LRRC4C: variants seen among roughly 807,000 people sequenced by gnomAD.
The protein encoded by LRRC4C is leucine-rich repeat-containing protein 4C.
LRRC4C carries 5 observed loss-of-function variants against 33.6 expected under a neutral mutation model. The observed-to-expected ratio is 0.15, with a 90% CI of 0.08 to 0.31. The LOEUF (loss-of-function observed/expected upper bound fraction) is 0.31, where lower values mean the gene tolerates loss of function less well. LRRC4C is among the 10% of genes least tolerant of loss of function. The pLI, the probability that LRRC4C is intolerant of heterozygous loss-of-function variation, is 1.00. For missense variants in LRRC4C, 560 were observed against 796.7 expected (o/e 0.70, Z 3.58); for synonymous variants, 329 against 302.0 (o/e 1.09, Z -0.93).
chr11:40,279,777 T>C (rs1943348243), intron 4 of LRRC4C, among the ~76,000 whole-genome samples: 1 of 152,172 alleles, frequency 6.6e-6, no homozygotes, highest in Non-Finnish European at 1.5e-5. Flanking sequence ...ATCAACCTTG[T>C]GGACTCATGG....
intron 1 of LRRC4C, among the ~76,000 whole-genome samples, chr11:41,363,566 G>A (rs1952431622): frequency 1.3e-5 from 2 of 152,106 alleles, no homozygotes; most frequent in Non-Finnish European, 2.9e-5. Flanking sequence ...TCAAGTAGAT[G>A]ATTTACTGTT....
At chr11:41,243,022 A>G (rs957653727) in intron 1 of LRRC4C, among the ~76,000 whole-genome samples, 1 of 152,188 alleles carries the variant, frequency 6.6e-6, no homozygotes, top group South Asian at 2.1e-4. Flanking sequence ...ATAAAAGCAC[A>G]TTCCGTCAAA....
intron 4 of LRRC4C, among the ~76,000 whole-genome samples, chr11:40,271,957 G>A (rs1025195225): frequency 6.6e-6 from 1 of 152,134 alleles, no homozygotes. Flanking sequence ...CTACCATTTG[G>A]TCTATGTTCC....
chr11:41,316,273 AAAAAAAC>A (rs1950790078), intron 1 of LRRC4C, among the ~76,000 whole-genome samples: 3 of 150,114 alleles, frequency 2.0e-5, no homozygotes, highest in African/African-American at 7.3e-5. Flanking sequence ...AAAAAAAAAA[AAAAAAAC>A]AAAAAAAAAC....
intron 2 of LRRC4C, among the ~76,000 whole-genome samples, chr11:40,822,390 T>C (rs754147170): frequency 2.6e-5 from 4 of 151,694 alleles, no homozygotes; most frequent in Non-Finnish European, 4.4e-5. Flanking sequence ...ATAAACAACC[T>C]TTTTTAAAAA....
At chr11:40,792,283 C>A (rs1950657706) in intron 2 of LRRC4C, among the ~76,000 whole-genome samples, 1 of 151,392 alleles carries the variant, frequency 6.6e-6, no homozygotes, top group African/African-American at 2.4e-5. Context: ...TCAATATTTT[C>A]TTTATTATTG....
intron 1 of LRRC4C, among the ~76,000 whole-genome samples, chr11:40,965,652 C>T (rs190432360): frequency 5.3e-5 from 8 of 152,064 alleles, no homozygotes; most frequent in Admixed American, 3.9e-4. Flanking sequence ...TTGTTTTTGT[C>T]AGATTTGTCA....
At chr11:41,111,594 G>A (rs1028664715) in intron 1 of LRRC4C, among the ~76,000 whole-genome samples, 1 of 152,176 alleles carries the variant, frequency 6.6e-6, no homozygotes, top group Non-Finnish European at 1.5e-5. Flanking sequence ...AGTTAAAATG[G>A]AGGCAAAGAC....
chr11:40,572,630 A>C (rs546078642), intron 3 of LRRC4C, among the ~76,000 whole-genome samples: 5 of 152,302 alleles, frequency 3.3e-5, no homozygotes, highest in African/African-American at 1.2e-4. Flanking sequence ...GGTTTAAAAA[A>C]TGAGGCAAAT....
At chr11:41,126,460 A>T (rs1417248694) in intron 1 of LRRC4C, among the ~76,000 whole-genome samples, 1 of 152,010 alleles carries the variant, frequency 6.6e-6, no homozygotes, top group Non-Finnish European at 1.5e-5. Flanking sequence ...AATCTTGGTG[A>T]CATGTTTGGA....
chr11:41,342,955 G>A (rs142726502), intron 1 of LRRC4C, among the ~76,000 whole-genome samples: 1 of 152,260 alleles, frequency 6.6e-6, no homozygotes, highest in African/African-American at 2.4e-5. Context: ...CCTTGCCTCT[G>A]CAAATTTCTG....
chr11:40,801,598 T>C (rs1337364513), intron 2 of LRRC4C, among the ~76,000 whole-genome samples: 1 of 152,202 alleles, frequency 6.6e-6, no homozygotes, highest in Non-Finnish European at 1.5e-5. Context: ...GTTGTATATA[T>C]AGAGAAATGT....
chr11:41,241,418 G>A (rs1407234213), intron 1 of LRRC4C, among the ~76,000 whole-genome samples: 4 of 152,060 alleles, frequency 2.6e-5, no homozygotes, highest in Non-Finnish European at 5.9e-5. Flanking sequence ...AAGAAACAGT[G>A]AGTCCAGAGG....
chr11:41,389,581 C>T (rs958099887), intron 1 of LRRC4C, among the ~76,000 whole-genome samples: 4 of 134,140 alleles, frequency 3.0e-5, no homozygotes, highest in African/African-American at 5.6e-5. Context: ...ATATACTTTC[C>T]TTATTTCTCA....
At chr11:40,296,676 A>C (rs898487350) in intron 4 of LRRC4C, among the ~76,000 whole-genome samples, 2 of 152,222 alleles carry the variant, frequency 1.3e-5, no homozygotes, top group African/African-American at 4.8e-5. Context: ...TAAGTAGTAA[A>C]CAAGCTAACT....
chr11:40,708,245 C>T (rs1022345173), intron 2 of LRRC4C, among the ~76,000 whole-genome samples: 21 of 151,912 alleles, frequency 1.4e-4, no homozygotes, highest in Non-Finnish European at 2.9e-5. Flanking sequence ...TATTTCTTGC[C>T]TTCTGCTAGC....
At chr11:40,913,708 T>C (rs1056718655) in intron 2 of LRRC4C, among the ~76,000 whole-genome samples, 5 of 151,902 alleles carry the variant, frequency 3.3e-5, no homozygotes, top group Non-Finnish European at 7.4e-5. Context: ...AGAGCAGAAC[T>C]GAAGGAAATA....
At chr11:40,838,360 C>G (rs1952768873) in intron 2 of LRRC4C, among the ~76,000 whole-genome samples, 1 of 152,134 alleles carries the variant, frequency 6.6e-6, no homozygotes. Flanking sequence ...AATGTTTTGT[C>G]TCTCAGAATA....
chr11:41,063,241 T>C (rs1211403037), intron 1 of LRRC4C, among the ~76,000 whole-genome samples: 1 of 152,222 alleles, frequency 6.6e-6, no homozygotes, highest in Non-Finnish European at 1.5e-5. Flanking sequence ...TTATTATTTA[T>C]TAAGAAACTA....
Sources: allele counts gnomAD v4.1 joint callset (sites outside exome capture counted in the v4.1 genomes callset), GRCh38; gene constraint gnomAD v4.1.1; transcripts MANE v1.5; gene names NCBI Gene and HGNC (gene_info 2026-07-23, HGNC 2026-07-21).